Variants in DHRS7C observed in about 807,000 individuals in gnomAD.
The protein encoded by DHRS7C is dehydrogenase/reductase 7C, also known as dehydrogenase/reductase SDR family member 7C.
Under a neutral mutation model 29.6 loss-of-function variants are expected in DHRS7C, and 28 were observed. The observed-to-expected ratio is 0.95, with a 90% CI of 0.70 to 1.30. The LOEUF is 1.30. DHRS7C is among the 50% of genes most tolerant of loss of function. DHRS7C has a pLI of 0.00. For missense variants in DHRS7C, 403 were observed against 393.3 expected (o/e 1.02, Z -0.21); for synonymous variants, 158 against 160.2 (o/e 0.99, Z 0.10).
rs1165609292 is a variant in DHRS7C at position 9,772,761 on chromosome 17, T to G, written c.727+6A>C. The G allele has an allele frequency of 6.2e-7, 1 of 1,613,604 alleles. No homozygotes were observed. The highest frequency in any genetic ancestry group is 1.7e-5 in the Admixed American group (1 of 60,000). On this transcript the variant is annotated splice_donor_region_variant and intron_variant, in intron 5 of 5. Coordinates refer to ENST00000571134, the MANE Select transcript of DHRS7C (RefSeq NM_001105571.3). ...CAGGGGCCCCAGCTTCCCTCTGAAG[T>G]CTCACATTTCCAAATGGAAGCTTCC...
rs768179445 is a variant in DHRS7C, at chr17:9,781,570, C to T, written c.179G>A (p.Gly60Asp). 3.7e-6 allele frequency: 6 copies of T among 1,613,836 alleles called. No homozygotes were observed. The South Asian group carries it at 5.5e-5, about 15-fold the overall frequency. ...GKECARVFHT[G>D]GARLVLCGKN... is the part of the protein sequence containing the mutation. ...TCCACACAGCACCAGCCTTGCCCCA[C>T]CTGTGTGGAACACCCGAGCACACTC... is the stretch of plus-strand genomic sequence containing the variant. The change falls in exon 2 of 6, where the codon GGT (glycine) becomes GAT (aspartate). Residue 60 changes from glycine to aspartate, a missense_variant. Gly to Asp is a moderately conservative substitution (Grantham distance 94). Transcript: ENST00000571134.
intron 5 of DHRS7C, 73 bp downstream of exon 5, chr17:9,772,694 T>A: frequency 6.5e-7 from 1 of 1,542,722 alleles, no homozygotes; most frequent in Non-Finnish European, 8.8e-7. Context: ...CATCTGAAGG[T>A]CATTCATCCC....
chr17:9,773,912 G>A (rs2066346560), intron 4 of DHRS7C, among the ~76,000 whole-genome samples: 1 of 151,766 alleles, frequency 6.6e-6, no homozygotes, highest in Non-Finnish European at 1.5e-5. Context: ...TAGTAGAAAT[G>A]GGGCTTCGCC....
Position 9,781,537 on chromosome 17 carries a change from C to T in DHRS7C, c.212G>A (p.Trp71Ter). 1 of 1,614,026 alleles carries T rather than the reference C, an allele frequency of 6.2e-7. No homozygotes were observed. The highest frequency in any genetic ancestry group is 8.5e-7 in the Non-Finnish European group (1 of 1,179,886). The change falls in exon 2 of 6, where the codon TGG (tryptophan) becomes TAG (stop). Residue 71 changes from tryptophan (W) to a stop codon, truncating the protein, a stop_gained. Transcript: ENST00000571134. LOFTEE classifies it high-confidence loss of function. ...ATCATATAGGTTCTCTAGCCTCTCC[C>T]AGTTCTTTCCACACAGCACCAGCCT... is the stretch of plus-strand genomic sequence containing the variant. Reference protein sequence around the residue: ...GARLVLCGKNWERLENLYDAL... With the variant: ...GARLVLCGKN
In DHRS7C at chr17:9,775,337, C is replaced by T. The variant is rs2066356047; in HGVS notation, c.571+1856G>A. On this transcript the variant is annotated intron_variant, in intron 4 of 5. Transcript: ENST00000571134. The surrounding 1 kb of genome is among the most constrained non-coding windows in gnomAD (Gnocchi z 4.2). Reference sequence around the variant, plus strand: ...TTCACTCTGCCCTTCTTCCTGGGCCCCCAGGTGGACTGCACTTCCCAGCGT... The same window carrying T: ...TTCACTCTGCCCTTCTTCCTGGGCCTCCAGGTGGACTGCACTTCCCAGCGT... Among the ~76,000 whole-genome samples, 1 of 152,214 alleles carries T rather than the reference C, an allele frequency of 6.6e-6. No individual in the cohort carries two copies. The highest frequency in any genetic ancestry group is 6.5e-5 in the Admixed American group (1 of 15,282).
chr17:9,777,326 G>A, intron 3 of DHRS7C, 41 bp from the exon 4 acceptor site: 1 of 1,574,578 alleles, frequency 6.4e-7, no homozygotes, highest in Non-Finnish European at 8.7e-7. Flanking sequence ...AAAACTTTGA[G>A]ACTGAGTTAG....
intron 1 of DHRS7C, among the ~76,000 whole-genome samples, chr17:9,786,007 C>A (rs1361656585): frequency 6.6e-6 from 1 of 151,848 alleles, no homozygotes; most frequent in African/African-American, 2.4e-5. Context: ...CCCACCGTGA[C>A]GGAAGGATTT....
Position 9,775,905 on chromosome 17 carries a change from G to C in DHRS7C, c.571+1288C>G, listed in dbSNP as rs1029551499. On this transcript the variant is annotated intron_variant, in intron 4 of 5. Coordinates refer to ENST00000571134, the MANE Select transcript of DHRS7C (RefSeq NM_001105571.3). The surrounding 1 kb of genome is among the most constrained non-coding windows in gnomAD (Gnocchi z 4.2). ...TCTAATCTGACTGGTGCTATTGTAA[G>C]AAGAGGAAATTTGGGGCCGGGCATG... Among the ~76,000 whole-genome samples, 1 of 152,146 alleles carries C rather than the reference G, an allele frequency of 6.6e-6. No homozygotes were observed. The highest frequency in any genetic ancestry group is 6.5e-5 in the Admixed American group (1 of 15,272).
intron 4 of DHRS7C, 97 bp downstream of exon 4, chr17:9,777,096 C>A: frequency 1.4e-5 from 14 of 1,017,264 alleles, no homozygotes; most frequent in South Asian, 3.9e-5. Flanking sequence ...GGACCCTTTC[C>A]CCTGTGACCA....
At chr17:9,772,370 G>C (rs1223592658) in intron 5 of DHRS7C, among the ~76,000 whole-genome samples, 2 of 152,330 alleles carry the variant, frequency 1.3e-5, no homozygotes, top group African/African-American at 4.8e-5. Context: ...GGCAGAGGCC[G>C]GCTTCCAGTG....
rs1334439658 is a variant in DHRS7C, at chr17:9,782,266, T to C, written c.155-672A>G. On this transcript the variant is annotated intron_variant, in intron 1 of 5. Transcript: ENST00000571134. ...TCTCTTACATATCGCTCTAGTTCAT[T>C]TAATACTCACAATAACCTTATGAGA... Among the ~76,000 whole-genome samples, 3 of 152,212 alleles carry C rather than the reference T, an allele frequency of 2.0e-5. No homozygotes were observed. The East Asian group carries it at 5.8e-4, about 29-fold the overall frequency.
At chr17:9,778,394 CAA>C (rs60847065) in intron 3 of DHRS7C, among the ~76,000 whole-genome samples, 137 of 82,940 alleles carry the variant, frequency 1.7e-3, no homozygotes, top group African/African-American at 4.2e-3. Flanking sequence ...GACTCCGTCT[CAA>C]AAAAAAAAAA....
chr17:9,777,299 G>C lies in DHRS7C; in HGVS notation c.479-14C>G. Reference sequence around the variant, plus strand: ...TGGGAAGCAGGGCTGGAAAACACAGGACGATGCATCATGGTTAAAACTTTG... The same window carrying C: ...TGGGAAGCAGGGCTGGAAAACACAGCACGATGCATCATGGTTAAAACTTTG... On this transcript the variant is annotated splice_polypyrimidine_tract_variant and intron_variant, in intron 3 of 5. Coordinates refer to ENST00000571134, the MANE Select transcript of DHRS7C (RefSeq NM_001105571.3). The C allele has an allele frequency of 6.2e-7, 1 of 1,609,778 alleles. No individual in the cohort carries two copies. The highest frequency in any genetic ancestry group is 8.5e-7 in the Non-Finnish European group (1 of 1,177,248).
At chr17:9,790,647 A>G (rs971711639) in intron 1 of DHRS7C, among the ~76,000 whole-genome samples, 4 of 152,210 alleles carry the variant, frequency 2.6e-5, no homozygotes, top group Non-Finnish European at 5.9e-5. Flanking sequence ...CTATCCATCT[A>G]TGAACTCGTT....
intron 1 of DHRS7C, among the ~76,000 whole-genome samples, chr17:9,784,526 CA>C (rs1019425539): frequency 6.6e-6 from 1 of 151,720 alleles, no homozygotes; most frequent in African/African-American, 2.4e-5. Context: ...AAAACGAAAA[CA>C]AAAAACACCC....
chr17:9,787,247 G>A (rs1478131387), intron 1 of DHRS7C, among the ~76,000 whole-genome samples: 1 of 152,194 alleles, frequency 6.6e-6, no homozygotes, highest in Non-Finnish European at 1.5e-5. Context: ...CACCTGGCCA[G>A]AGCATCTATT....
chr17:9,785,149 T>A (rs1190073133), intron 1 of DHRS7C: 1 of 152,226 alleles, frequency 6.6e-6, no homozygotes, highest in Non-Finnish European at 1.5e-5. Flanking sequence ...ACATGTCATA[T>A]GAAGTTCAGT....
Position 9,777,286 on chromosome 17 carries a change from C to A in DHRS7C, c.479-1G>T. ...CGGGAGATCATGTTGGGAAGCAGGG[C>A]TGGAAAACACAGGACGATGCATCAT... On this transcript the variant is annotated splice_acceptor_variant, in intron 3 of 5. Transcript: ENST00000571134. LOFTEE classifies it high-confidence loss of function. 2 of 1,612,872 alleles carry A rather than the reference C, an allele frequency of 1.2e-6. No homozygotes were observed. The highest frequency in any genetic ancestry group is 1.7e-6 in the Non-Finnish European group (2 of 1,179,384).
Position 9,775,336 on chromosome 17 carries a change from C to T in DHRS7C, c.571+1857G>A, listed in dbSNP as rs1219472914. ...ATTCACTCTGCCCTTCTTCCTGGGC[C>T]CCCAGGTGGACTGCACTTCCCAGCG... is the stretch of plus-strand genomic sequence containing the variant. On this transcript the variant is annotated intron_variant, in intron 4 of 5. Coordinates refer to ENST00000571134, the MANE Select transcript of DHRS7C (RefSeq NM_001105571.3). The surrounding 1 kb of genome is among the most constrained non-coding windows in gnomAD (Gnocchi z 4.2). Among the ~76,000 whole-genome samples, 1 of 152,196 alleles carries T rather than the reference C, an allele frequency of 6.6e-6. No homozygotes were observed. The highest frequency in any genetic ancestry group is 1.5e-5 in the Non-Finnish European group (1 of 68,044).
Sources: gnomAD v4.1 joint callset for allele counts (sites outside exome capture counted in the v4.1 genomes callset) on GRCh38, gnomAD v4.1.1 for gene constraint, Gnocchi (gnomAD v3.1) non-coding constraint, MANE v1.5 for transcripts, NCBI Gene and HGNC (gene_info 2026-07-23, HGNC 2026-07-21) for gene names.